SCOC: variants seen among roughly 807,000 people sequenced by gnomAD.
SCOC encodes the protein short coiled coil protein.
In SCOC, 7 loss-of-function variants were observed where a neutral mutation model predicts 9.9. The ratio of observed to expected loss-of-function variants is 0.71; its 90% CI spans 0.40 to 1.33. The LOEUF (loss-of-function observed/expected upper bound fraction) is 1.33, where lower values mean the gene tolerates loss of function less well. SCOC is among the 40% of genes most tolerant of loss of function. SCOC has a pLI of 0.01. For missense variants in SCOC, 66 were observed against 89.7 expected (o/e 0.74, Z 1.07); for synonymous variants, 19 against 28.2 (o/e 0.67, Z 1.03).
At chr4:140,324,881 C>T (rs1732600724) in intron 1 of SCOC, among the ~76,000 whole-genome samples, 1 of 150,942 alleles carries the variant, frequency 6.6e-6, no homozygotes, top group Non-Finnish European at 1.5e-5. Context: ...CAAAGCAATG[C>T]TGAAAAAGAA....
chr4:140,290,115 C>T (rs191501986), intron 1 of SCOC, among the ~76,000 whole-genome samples: 50 of 152,290 alleles, frequency 3.3e-4, no homozygotes, highest in Non-Finnish European at 6.3e-4. Flanking sequence ...CATTTTTTTG[C>T]ATTGCTGTAT....
intron 2 of SCOC, chr4:140,366,204 A>C (rs1727787978): frequency 2.8e-6 from 2 of 717,810 alleles, no homozygotes; most frequent in South Asian, 6.1e-5. Flanking sequence ...TTTTTTCCCA[A>C]ATAGAACTTT....
rs1727678140 is a variant in SCOC, at chr4:140,363,913, C to T, written c.71-15208C>T. ...AGTGCCACTAGTGATGCTGGAAGTG[C>T]TCCCAAGAAGCAGAGAAAATTCATG... On this transcript the variant is annotated intron_variant, in intron 2 of 4. Transcript: ENST00000338517. 2.0e-5 allele frequency among the ~76,000 whole-genome samples: 3 copies of T among 152,160 alleles called. No individual in the cohort carries two copies. In the South Asian group the frequency reaches 6.2e-4, roughly 31 times the overall value.
chr4:140,314,354 A>G, intron 1 of SCOC: 1 of 153,304 alleles, frequency 6.5e-6, no homozygotes. Context: ...TAGGTCCAAC[A>G]AATCAAGGCA....
chr4:140,333,198 A>G (rs978615592), intron 1 of SCOC, among the ~76,000 whole-genome samples: 1 of 152,006 alleles, frequency 6.6e-6, no homozygotes, highest in Non-Finnish European at 1.5e-5. Flanking sequence ...CTCTGCTCCA[A>G]TGTCATTGCA....
At chr4:140,307,665 G>C (rs187129956) in intron 1 of SCOC, among the ~76,000 whole-genome samples, 33 of 152,258 alleles carry the variant, frequency 2.2e-4, no homozygotes, top group Non-Finnish European at 4.9e-4. Flanking sequence ...GAGTTTCTTA[G>C]GTTTGATCTA....
In SCOC at chr4:140,384,271, CTATA is replaced by C. The variant is rs1262177463; in HGVS notation, c.*3170_*3173del. The C allele has an allele frequency of 6.6e-6, 1 of 152,166 alleles. No homozygotes were observed. The highest frequency in any genetic ancestry group is 1.5e-5 in the Non-Finnish European group (1 of 68,028). 9.4% of individuals were successfully genotyped at this position (152,166 alleles called of 1,614,324 possible). A position where few individuals can be genotyped will look rare whatever the true frequency, so the allele number is the denominator to read the frequency against. ...TTGTCATGTTAATGGTAAGCTAATGCTATATACTTAGTTTTTGCTATGCAATACT... is the reference window on the plus strand; with the variant it reads ...TTGTCATGTTAATGGTAAGCTAATGCTACTTAGTTTTTGCTATGCAATACT... On this transcript the variant is annotated 3_prime_UTR_variant, in exon 4 of 4. Coordinates refer to ENST00000608372, the MANE Select transcript of SCOC (RefSeq NM_001153484.2).
chr4:140,354,376 C>A (rs1727113980), intron 2 of SCOC, among the ~76,000 whole-genome samples: 1 of 152,120 alleles, frequency 6.6e-6, no homozygotes, highest in African/African-American at 2.4e-5. Context: ...ATTTGAGAGA[C>A]TCTTCAGTTT....
intron 2 of SCOC, among the ~76,000 whole-genome samples, chr4:140,346,090 A>G (rs532829564): frequency 3.9e-5 from 6 of 152,114 alleles, no homozygotes; most frequent in Non-Finnish European, 7.3e-5. Context: ...CAAGTCTCCT[A>G]TGGTTGCGGG....
rs543216930 is a variant in SCOC, at chr4:140,385,726, G to T, written c.*4622G>T. 4 of 152,260 alleles carry T rather than the reference G, an allele frequency of 2.6e-5. 1 individual carries two copies. In the South Asian group the frequency reaches 8.3e-4, roughly 32 times the overall value. The allele number at this position is 152,260 out of a possible 1,614,324, so 9.4% of individuals were successfully genotyped here. Reference sequence around the variant, plus strand: ...CCCAATAAAAATTTTGTTATTCCCTGAACACTTTGTGGTGATTGTCATCAG... The same window carrying T: ...CCCAATAAAAATTTTGTTATTCCCTTAACACTTTGTGGTGATTGTCATCAG... On this transcript the variant is annotated 3_prime_UTR_variant, in exon 4 of 4. Coordinates refer to ENST00000608372, the MANE Select transcript of SCOC (RefSeq NM_001153484.2).
upstream of SCOC, among the ~76,000 whole-genome samples, chr4:140,342,499 G>A (rs979366867): frequency 3.9e-5 from 6 of 152,116 alleles, no homozygotes; most frequent in Non-Finnish European, 7.4e-5. Context: ...GAAAAATTGG[G>A]GGAATTCTAT....
chr4:140,266,376 G>A (rs910354402), intron 1 of SCOC, among the ~76,000 whole-genome samples: 1 of 152,138 alleles, frequency 6.6e-6, no homozygotes, highest in Admixed American at 6.5e-5. Flanking sequence ...AGCAGATCAG[G>A]GTGCTAGTAT....
At chr4:140,323,689 A>G (rs1205656103) in intron 1 of SCOC, among the ~76,000 whole-genome samples, 1 of 152,210 alleles carries the variant, frequency 6.6e-6, no homozygotes, top group Non-Finnish European at 1.5e-5. Context: ...CTTAAGAAAG[A>G]TACCTAACCT....
chr4:140,312,585 C>CA (rs1330433178), intron 1 of SCOC, among the ~76,000 whole-genome samples: 1 of 151,958 alleles, frequency 6.6e-6, no homozygotes, highest in African/African-American at 2.4e-5. Context: ...CACCACCATG[C>CA]CTGGCTAATT....
At chr4:140,309,490 C>T (rs1732088610) in intron 1 of SCOC, among the ~76,000 whole-genome samples, 1 of 152,164 alleles carries the variant, frequency 6.6e-6, no homozygotes, top group Non-Finnish European at 1.5e-5. Flanking sequence ...GTTGCTGAGG[C>T]ATTGTCACAT....
intron 1 of SCOC, among the ~76,000 whole-genome samples, chr4:140,301,999 A>G (rs182958535): frequency 6.6e-6 from 1 of 152,120 alleles, no homozygotes; most frequent in East Asian, 1.9e-4. Context: ...ACACTGGACT[A>G]ATTTTTGTAT....
intron 1 of SCOC, among the ~76,000 whole-genome samples, chr4:140,277,053 T>C (rs1353945887): frequency 6.6e-6 from 1 of 152,240 alleles, no homozygotes; most frequent in Non-Finnish European, 1.5e-5. Context: ...TGAATTAGTC[T>C]GAATTTTAGG....
chr4:140,281,205 C>G (rs1485502073), intron 1 of SCOC, among the ~76,000 whole-genome samples: 1 of 151,470 alleles, frequency 6.6e-6, no homozygotes, highest in Non-Finnish European at 1.5e-5. Context: ...GTGGCACTCA[C>G]CTAGGTTTTT....
intron 2 of SCOC, among the ~76,000 whole-genome samples, chr4:140,367,871 A>T (rs985106446): frequency 6.6e-6 from 1 of 152,238 alleles, no homozygotes; most frequent in African/African-American, 2.4e-5. Context: ...CTGGATGGTC[A>T]GACACAATCT....
Sources: allele counts gnomAD v4.1 joint callset (sites outside exome capture counted in the v4.1 genomes callset), GRCh38; gene constraint gnomAD v4.1.1; transcripts MANE v1.5; gene names NCBI Gene and HGNC (gene_info 2026-07-23, HGNC 2026-07-21).